DMD: variants seen among roughly 807,000 people sequenced by gnomAD.
DMD encodes dystrophin.
A neutral mutation model predicts 330.1 loss-of-function variants in DMD; 63 were observed. The observed-to-expected ratio is 0.19, with a 90% CI of 0.16 to 0.24. The LOEUF (loss-of-function observed/expected upper bound fraction) is 0.24. Among genes scored for constraint, DMD ranks in the 10% least tolerant of loss-of-function variants. The pLI, the probability that DMD is intolerant of heterozygous loss-of-function variation, is 1.00. For synonymous variants in DMD, 1,223 were observed against 959.8 expected (o/e 1.27, Z -5.07); for missense variants, 3,344 against 2,684.1 (o/e 1.25, Z -5.43).
At chrX:32,903,113 C>G (rs2086417920) in intron 2 of DMD, among the ~76,000 whole-genome samples, 1 of 90,848 alleles carries the variant, frequency 1.1e-5, no homozygotes. Context: ...AGGTTGCAGC[C>G]CAGCCTGGGC....
chrX:33,098,621 T>G (rs2095201983), intron 1 of DMD, among the ~76,000 whole-genome samples: 1 of 111,701 alleles, frequency 9.0e-6, no homozygotes, highest in African/African-American at 3.3e-5. Flanking sequence ...CAATGTTTAT[T>G]TAGAAACAGA....
intron 44 of DMD, among the ~76,000 whole-genome samples, chrX:32,188,764 A>G (rs1404197100): frequency 9.1e-6 from 1 of 110,423 alleles, no homozygotes; most frequent in Non-Finnish European, 1.9e-5. Context: ...TTCCTTCTAT[A>G]TAAACTTTAA....
In DMD at chrX:32,834,387, T is replaced by G. The variant is rs1479558701; in HGVS notation, c.264+10396A>C. 2.7e-5 allele frequency among the ~76,000 whole-genome samples: 3 copies of G among 111,999 alleles called. No homozygotes were observed. The Admixed American group carries it at 2.9e-4, about 11-fold the overall frequency. ...GACATGCTCCAAAATATGTATTATA[T>G]GGCTATTTAAGTTTCTGAATACTTA... On this transcript the variant is annotated intron_variant, in intron 4 of 78. Coordinates refer to ENST00000357033, the MANE Select transcript of DMD (RefSeq NM_004006.3).
intron 63 of DMD, 152 bp from the exon 64 acceptor site, chrX:31,223,273 A>G: frequency 1.9e-6 from 1 of 519,409 alleles, no homozygotes. Flanking sequence ...TCGGAGGTGA[A>G]AATTCTGTTA....
At chrX:32,579,864 A>G (rs1011845200) in intron 13 of DMD, among the ~76,000 whole-genome samples, 3 of 113,048 alleles carry the variant, frequency 2.7e-5, no homozygotes, top group African/African-American at 9.6e-5. Flanking sequence ...AGATTTTAAC[A>G]CGAAGAAGCA....
At chrX:31,195,003 C>T (rs964494133) in intron 67 of DMD, among the ~76,000 whole-genome samples, 3 of 111,858 alleles carry the variant, frequency 2.7e-5, no homozygotes, top group Admixed American at 9.5e-5. Context: ...TCCCCACATG[C>T]GCAGAAGCAG....
At chrX:32,181,505 T>G (rs1364715646) in intron 44 of DMD, among the ~76,000 whole-genome samples, 1 of 112,060 alleles carries the variant, frequency 8.9e-6, no homozygotes, top group Admixed American at 9.5e-5. Context: ...TTTTTTCAGT[T>G]GCTTAAGTGG....
intron 47 of DMD, among the ~76,000 whole-genome samples, chrX:31,912,598 T>C (rs770486945): frequency 8.9e-6 from 1 of 112,137 alleles, no homozygotes; most frequent in Non-Finnish European, 1.9e-5. Context: ...AATAAAGATG[T>C]GCTTGAGCCT....
chrX:32,263,253 C>G (rs988632247), intron 43 of DMD, among the ~76,000 whole-genome samples: 3 of 111,827 alleles, frequency 2.7e-5, no homozygotes, highest in Non-Finnish European at 5.6e-5. Flanking sequence ...ATACAGGATA[C>G]AAGTACTTAA....
chrX:32,540,902 T>C (rs1233241766), intron 17 of DMD, among the ~76,000 whole-genome samples: 1 of 111,632 alleles, frequency 9.0e-6, no homozygotes, highest in African/African-American at 3.3e-5. Flanking sequence ...TCTGGATTTA[T>C]GGGAATTCGC....
intron 60 of DMD, among the ~76,000 whole-genome samples, chrX:31,389,459 TATCAGTCA>T: frequency 8.9e-6 from 1 of 112,267 alleles, no homozygotes; most frequent in Non-Finnish European, 1.9e-5. Context: ...AGGCAGCTGA[TATCAGTCA>T]ATAAGAGCTT....
intron 11 of DMD, among the ~76,000 whole-genome samples, chrX:32,634,021 GA>G (rs2058920007): frequency 9.0e-6 from 1 of 111,661 alleles, no homozygotes. Context: ...AAGAACCTAA[GA>G]AATCTACCTG....
intron 9 of DMD, among the ~76,000 whole-genome samples, chrX:32,661,616 G>C (rs1186919541): frequency 9.0e-6 from 1 of 111,412 alleles, no homozygotes; most frequent in African/African-American, 3.2e-5. Flanking sequence ...TATTTTATGT[G>C]AATGTGATCA....
intron 57 of DMD, among the ~76,000 whole-genome samples, chrX:31,496,547 T>A (rs2069872508): frequency 8.9e-6 from 1 of 112,185 alleles, no homozygotes; most frequent in Admixed American, 9.5e-5. Flanking sequence ...ATATTTTTCA[T>A]CATGAAAAGC....
At chrX:32,242,905 C>T (rs1490811537) in intron 43 of DMD, among the ~76,000 whole-genome samples, 1 of 95,121 alleles carries the variant, frequency 1.1e-5, no homozygotes, top group Non-Finnish European at 2.1e-5. Context: ...AGAAAGCAAG[C>T]GAAGAAAGCA....
intron 47 of DMD, among the ~76,000 whole-genome samples, chrX:31,919,246 A>C (rs1308983030): frequency 1.8e-5 from 2 of 112,408 alleles, no homozygotes; most frequent in Non-Finnish European, 3.8e-5. Context: ...TAGCACCAAC[A>C]GAAGCAATCT....
At chrX:32,901,464 T>G (rs1018608184) in intron 2 of DMD, among the ~76,000 whole-genome samples, 4 of 111,553 alleles carry the variant, frequency 3.6e-5, no homozygotes, top group African/African-American at 1.3e-4. Flanking sequence ...AAATCCATTA[T>G]TAAATACAAT....
intron 44 of DMD, among the ~76,000 whole-genome samples, chrX:32,003,633 G>C (rs1014889225): frequency 9.0e-6 from 1 of 111,288 alleles, no homozygotes; most frequent in African/African-American, 3.3e-5. Flanking sequence ...CATTTTGTGA[G>C]GATATATATG....
At chrX:32,789,013 A>T (rs147718877) in intron 7 of DMD, among the ~76,000 whole-genome samples, 2 of 111,752 alleles carry the variant, frequency 1.8e-5, no homozygotes, top group African/African-American at 6.5e-5. Context: ...AGAGTCAGGG[A>T]TCACCTCTGC....
Sources: allele counts gnomAD v4.1 joint callset (sites outside exome capture counted in the v4.1 genomes callset), GRCh38; gene constraint gnomAD v4.1.1; transcripts MANE v1.5; gene names NCBI Gene and HGNC (gene_info 2026-07-23, HGNC 2026-07-21).